The following SRPK2 variants were observed in gnomAD, a reference collection of about 807,000 sequenced individuals.
The protein encoded by SRPK2 is SFRS protein kinase 2.
A neutral mutation model predicts 90.8 loss-of-function variants in SRPK2; 21 were observed. That is an observed-to-expected ratio of 0.23 (90% CI 0.16 to 0.33). SRPK2 has a LOEUF of 0.33. SRPK2 is among the 10% of genes least tolerant of loss of function. SRPK2 has a pLI of 1.00. For missense variants in SRPK2, 620 were observed against 869.0 expected (o/e 0.71, Z 3.60); for synonymous variants, 288 against 311.1 (o/e 0.93, Z 0.78).
chr7:105,125,991 A>G (rs1391871495), intron 15 of SRPK2: 8 of 652,266 alleles, frequency 1.2e-5, no homozygotes, highest in African/African-American at 1.8e-5. Flanking sequence ...TGAATGACCA[A>G]AAGTACAGGC....
At chr7:105,177,922 G>A (rs199656062) in intron 3 of SRPK2, among the ~76,000 whole-genome samples, 4 of 151,608 alleles carry the variant, frequency 2.6e-5, no homozygotes, top group Non-Finnish European at 4.4e-5. Context: ...CCAGCTACTC[G>A]GGAGGCTGAG....
chr7:105,394,431 C>T (rs567152617), intron 1 of SRPK2, among the ~76,000 whole-genome samples: 3 of 151,734 alleles, frequency 2.0e-5, no homozygotes, highest in East Asian at 3.9e-4. Flanking sequence ...GTGAGCCACG[C>T]GCCCAGCCAA....
intron 1 of SRPK2, among the ~76,000 whole-genome samples, chr7:105,396,487 TG>T: frequency 6.6e-6 from 1 of 151,338 alleles, no homozygotes; most frequent in East Asian, 2.0e-4. Context: ...AATACAAAGC[TG>T]GGCGTGGTGG....
chr7:105,130,366 C>T (rs1025359638), intron 13 of SRPK2, among the ~76,000 whole-genome samples: 3 of 152,084 alleles, frequency 2.0e-5, no homozygotes, highest in Admixed American at 2.0e-4. Context: ...GCCTAGACAA[C>T]GTGACAAACT....
intron 15 of SRPK2, among the ~76,000 whole-genome samples, chr7:105,120,569 A>C (rs1028799551): frequency 6.6e-6 from 1 of 152,212 alleles, no homozygotes; most frequent in East Asian, 1.9e-4. Flanking sequence ...GTCTATAAAC[A>C]ACAGTATATG....
At chr7:105,358,172 C>T (rs1010352563) in intron 2 of SRPK2, among the ~76,000 whole-genome samples, 10 of 135,970 alleles carry the variant, frequency 7.4e-5, no homozygotes, top group Middle Eastern at 4.4e-3. Flanking sequence ...TGCAGTGAGA[C>T]GAGATCACGC....
chr7:105,327,221 T>A (rs549004760), intron 2 of SRPK2, among the ~76,000 whole-genome samples: 2 of 120,642 alleles, frequency 1.7e-5, no homozygotes, highest in South Asian at 5.8e-4. Context: ...TTTGTTTTAA[T>A]GGTTGGGGAA....
intron 2 of SRPK2, among the ~76,000 whole-genome samples, chr7:105,364,285 T>C (rs1818763998): frequency 1.3e-5 from 2 of 152,172 alleles, no homozygotes; most frequent in African/African-American, 4.8e-5. Flanking sequence ...TGGTTTTCAT[T>C]GCTTTTTCTG....
At chr7:105,170,422 G>A (rs1200649482) in intron 3 of SRPK2, among the ~76,000 whole-genome samples, 1 of 152,008 alleles carries the variant, frequency 6.6e-6, no homozygotes, top group Non-Finnish European at 1.5e-5. Flanking sequence ...GCCGGGCACG[G>A]TGGCTCACAC....
intron 2 of SRPK2, among the ~76,000 whole-genome samples, chr7:105,315,544 C>T (rs1812213726): frequency 6.6e-6 from 1 of 152,176 alleles, no homozygotes; most frequent in African/African-American, 2.4e-5. Context: ...TGCTGCCAGG[C>T]AAACATGAGA....
intron 2 of SRPK2, among the ~76,000 whole-genome samples, chr7:105,298,032 G>T (rs1171332017): frequency 6.6e-6 from 1 of 152,070 alleles, no homozygotes; most frequent in Non-Finnish European, 1.5e-5. Context: ...GAGCCACCAC[G>T]CCTGGCCTGT....
At chr7:105,317,041 C>T (rs1170585055) in intron 2 of SRPK2, among the ~76,000 whole-genome samples, 1 of 152,148 alleles carries the variant, frequency 6.6e-6, no homozygotes, top group Non-Finnish European at 1.5e-5. Flanking sequence ...GAAGAGCAGC[C>T]AAAGCAACTC....
intron 2 of SRPK2, among the ~76,000 whole-genome samples, chr7:105,287,708 C>T (rs1808358259): frequency 6.6e-6 from 1 of 152,072 alleles, no homozygotes; most frequent in African/African-American, 2.4e-5. Context: ...TGCACTCTAG[C>T]CTGGATGACA....
intron 15 of SRPK2, among the ~76,000 whole-genome samples, chr7:105,120,771 T>C (rs1800228293): frequency 2.0e-5 from 3 of 152,076 alleles, no homozygotes. Flanking sequence ...AAGCTCAGTA[T>C]AAGAAGTAAC....
intron 2 of SRPK2, among the ~76,000 whole-genome samples, chr7:105,214,225 AT>A (rs1475332630): frequency 6.6e-6 from 1 of 152,144 alleles, no homozygotes; most frequent in African/African-American, 2.4e-5. Context: ...TGCTCTAGGC[AT>A]TTTTTTAAGG....
chr7:105,233,131 GGAA>G (rs1799706637), intron 2 of SRPK2, among the ~76,000 whole-genome samples: 1 of 149,190 alleles, frequency 6.7e-6, no homozygotes, highest in Non-Finnish European at 1.5e-5. Flanking sequence ...AAGGAAGGAA[GGAA>G]GGAAGGAAGG....
Position 105,143,170 on chromosome 7 carries a change from T to C in SRPK2, c.974A>G (p.Asp325Gly), listed in dbSNP as rs1804046292. 6.2e-7 allele frequency: 1 copy of C among 1,614,240 alleles called. No individual in the cohort carries two copies. Among genetic ancestry groups the C allele is most frequent in the Non-Finnish European group, 8.5e-7 (1 of 1,180,032 alleles). ...ENITSAAPSNDQDGEYCPEVK... is the reference protein window; with the variant it reads ...ENITSAAPSNGQDGEYCPEVK... ...CTCTGGGCAGTATTCGCCATCCTGGTCATTGGAAGGTGCAGCTGAGGTGAT... is the reference window on the plus strand; with the variant it reads ...CTCTGGGCAGTATTCGCCATCCTGGCCATTGGAAGGTGCAGCTGAGGTGAT... Residue 325 changes from aspartate (D) to glycine (G), a missense_variant, in exon 10 of 16, where the codon GAC becomes GGC. Physicochemically the swap from Asp to Gly is moderately conservative, Grantham distance 94 (BLOSUM62 -1). Transcript: ENST00000393651.
At chr7:105,177,820 A>C (rs1238953912) in intron 3 of SRPK2, among the ~76,000 whole-genome samples, 2 of 152,276 alleles carry the variant, frequency 1.3e-5, no homozygotes, top group African/African-American at 4.8e-5. Flanking sequence ...CAGGAGATCG[A>C]GACCACCCTG....
At position 105,367,452 on chromosome 7, in the gene SRPK2, G is replaced by A. The variant is rs181645532; in HGVS notation, c.71+21196C>T. On this transcript the variant is annotated intron_variant, in intron 2 of 15. Coordinates refer to ENST00000393651, the MANE Select transcript of SRPK2 (RefSeq NM_182692.3). ...TAATTTTTGTATTTTTTATAGAGAC[G>A]GGGTCTCACCGTGTTGCCCAGGCTG... Among the ~76,000 whole-genome samples, 284 of 151,914 alleles carry A rather than the reference G, an allele frequency of 1.9e-3. 1 individual carries two copies. The highest frequency in any genetic ancestry group is 6.6e-3 in the African/African-American group (273 of 41,446).
Sources: allele counts gnomAD v4.1 joint callset (sites outside exome capture counted in the v4.1 genomes callset), GRCh38; gene constraint gnomAD v4.1.1; transcripts MANE v1.5; gene names NCBI Gene and HGNC (gene_info 2026-07-23, HGNC 2026-07-21).